The following CREB1 variants were observed in gnomAD, a reference collection of about 807,000 sequenced individuals.
CREB1 encodes cyclic AMP-responsive element-binding protein 1.
A neutral mutation model predicts 42.0 loss-of-function variants in CREB1; 2 were observed. That is an observed-to-expected ratio of 0.05 (90% CI 0.02 to 0.15). The LOEUF is 0.15. CREB1 is among the 10% of genes least tolerant of loss of function. The pLI is 1.00. For synonymous variants in CREB1, 123 were observed against 139.9 expected (o/e 0.88, Z 0.85); for missense variants, 199 against 388.9 (o/e 0.51, Z 4.11).
At chr2:207,581,697 A>G in intron 7 of CREB1, 1 of 569,660 alleles carries the variant, frequency 1.8e-6, no homozygotes, top group South Asian at 2.4e-5. Context: ...ATCTTAGTAT[A>G]TTACATAACC....
intron 1 of CREB1, among the ~76,000 whole-genome samples, chr2:207,537,304 G>A (rs1347830705): frequency 6.6e-6 from 1 of 151,994 alleles, no homozygotes; most frequent in Non-Finnish European, 1.5e-5. Flanking sequence ...TCCCAAAGTG[G>A]TGGGATTACA....
intron 7 of CREB1, among the ~76,000 whole-genome samples, chr2:207,586,227 G>A (rs1262603050): frequency 6.6e-6 from 1 of 152,124 alleles, no homozygotes; most frequent in African/African-American, 2.4e-5. Context: ...ACATAGTATT[G>A]ATATAAAAAC....
chr2:207,605,058 G>A lies in CREB1; in HGVS notation c.*8000G>A, dbSNP rs971667137. On this transcript the variant is annotated 3_prime_UTR_variant, in exon 8 of 8. Coordinates refer to ENST00000353267, the MANE Select transcript of CREB1 (RefSeq NM_004379.5). ...TGTTCGTGTACAAGTATTTGAGTCC[G>A]TGTTTTCAATTATTTGGGGTATATG... 6.6e-6 allele frequency among the ~76,000 whole-genome samples: 1 copy of A among 152,150 alleles called. No homozygotes were observed. The highest frequency in any genetic ancestry group is 6.5e-5 in the Admixed American group (1 of 15,268).
intron 3 of CREB1, among the ~76,000 whole-genome samples, chr2:207,565,725 CAGAA>C (rs2082117615): frequency 6.6e-6 from 1 of 151,956 alleles, no homozygotes; most frequent in Non-Finnish European, 1.5e-5. Context: ...GCAGTGGACA[CAGAA>C]AGAGCCACAG....
intron 3 of CREB1, among the ~76,000 whole-genome samples, chr2:207,567,254 G>T (rs1264656337): frequency 5.3e-5 from 8 of 151,996 alleles, no homozygotes; most frequent in Non-Finnish European, 8.8e-5. Context: ...AAATTAAACT[G>T]CAGCTATTTT....
intron 3 of CREB1, among the ~76,000 whole-genome samples, chr2:207,561,740 T>A (rs193183632): frequency 6.7e-4 from 102 of 152,340 alleles, no homozygotes; most frequent in African/African-American, 2.2e-3. Context: ...TTATGTTTTC[T>A]TTACATATAG....
chr2:207,573,952 A>G (rs922495008), intron 5 of CREB1, among the ~76,000 whole-genome samples: 4 of 152,240 alleles, frequency 2.6e-5, no homozygotes, highest in African/African-American at 4.8e-5. Flanking sequence ...CTTTCAAGTA[A>G]TCATGCAAAA....
intron 7 of CREB1, among the ~76,000 whole-genome samples, chr2:207,583,953 G>C (rs778452088): frequency 6.6e-6 from 1 of 152,068 alleles, no homozygotes; most frequent in Non-Finnish European, 1.5e-5. Context: ...TTTAGATCTG[G>C]TTCCTTCATC....
intron 1 of CREB1, among the ~76,000 whole-genome samples, chr2:207,553,957 A>G (rs1302364482): frequency 2.6e-5 from 4 of 152,162 alleles, no homozygotes; most frequent in Non-Finnish European, 5.9e-5. Flanking sequence ...ACAATGTGTC[A>G]ATATATTAAT....
chr2:207,543,852 C>G (rs1362795699), intron 1 of CREB1, among the ~76,000 whole-genome samples: 1 of 152,196 alleles, frequency 6.6e-6, no homozygotes, highest in East Asian at 1.9e-4. Context: ...ATCTGCCCAC[C>G]TCAGCCTCCC....
At chr2:207,543,796 G>A (rs887725035) in intron 1 of CREB1, among the ~76,000 whole-genome samples, 5 of 151,976 alleles carry the variant, frequency 3.3e-5, no homozygotes, top group African/African-American at 1.2e-4. Flanking sequence ...GTAGAGACAG[G>A]GTTTCACCAT....
intron 1 of CREB1, among the ~76,000 whole-genome samples, chr2:207,537,226 A>T (rs1231464254): frequency 6.6e-6 from 1 of 151,684 alleles, no homozygotes; most frequent in Admixed American, 6.6e-5. Context: ...AGCTAAAGAG[A>T]CAGGGTTTCA....
At chr2:207,534,948 A>G (rs1350723143) in intron 1 of CREB1, among the ~76,000 whole-genome samples, 1 of 152,174 alleles carries the variant, frequency 6.6e-6, no homozygotes, top group African/African-American at 2.4e-5. Flanking sequence ...CCCACCACTT[A>G]ATATGGCTTA....
chr2:207,578,051 T>A (rs1341217420), intron 7 of CREB1: 1 of 182,482 alleles, frequency 5.5e-6, no homozygotes, highest in Non-Finnish European at 1.2e-5. Flanking sequence ...TTAAATTTAC[T>A]TGATATAAAG....
chr2:207,603,514 C>T lies in CREB1; in HGVS notation c.*6456C>T, dbSNP rs2087491200. ...TAGTGTGAAGCCATGTTTTATTGGA[C>T]TTAAAGTTACAATATATTACAAGCT... is the stretch of plus-strand genomic sequence containing the variant. On this transcript the variant is annotated 3_prime_UTR_variant, in exon 8 of 8. Coordinates refer to ENST00000353267, the MANE Select transcript of CREB1 (RefSeq NM_004379.5). 1 of 224,006 alleles carries T rather than the reference C, an allele frequency of 4.5e-6. No homozygotes were observed. Among genetic ancestry groups the T allele is most frequent in the African/African-American group, 2.2e-5 (1 of 44,810 alleles). 13.9% of individuals were successfully genotyped at this position (224,006 alleles called of 1,614,324 possible). A position where few individuals can be genotyped will look rare whatever the true frequency, so the allele number is the denominator to read the frequency against.
In CREB1 at chr2:207,599,208, C is replaced by A; in HGVS notation, c.*2150C>A. The A allele has an allele frequency of 5.1e-6, 1 of 197,756 alleles. No individual in the cohort carries two copies. The highest frequency in any genetic ancestry group is 1.0e-5 in the Non-Finnish European group (1 of 95,632). The allele number at this position is 197,756 out of a possible 1,614,324, so 12.3% of individuals were successfully genotyped here. A position where few individuals can be genotyped will look rare whatever the true frequency, so the allele number is the denominator to read the frequency against. ...AAAGTTTGATGTTTGTCCTGCTGAG[C>A]TAATGGGGAAAGTTATAGCATAAAA... On this transcript the variant is annotated 3_prime_UTR_variant, in exon 8 of 8. Transcript: ENST00000353267.
At chr2:207,543,817 A>C (rs1024725514) in intron 1 of CREB1, among the ~76,000 whole-genome samples, 5 of 151,834 alleles carry the variant, frequency 3.3e-5, no homozygotes, top group Admixed American at 3.3e-4. Flanking sequence ...GTTGGTCAGG[A>C]TGGTATCGAT....
rs1426653106 is a variant in CREB1, at chr2:207,604,033, G to GAA, written c.*6976_*6977dup. ...TTTATTTTCTGCAACAACGATTACA[G>GAA]AATTTATTGCACAAAATGAGACATT... On this transcript the variant is annotated 3_prime_UTR_variant, in exon 8 of 8. Transcript: ENST00000353267. Among the ~76,000 whole-genome samples the GAA allele has an allele frequency of 1.3e-5, 2 of 152,184 alleles. No homozygotes were observed. The highest frequency in any genetic ancestry group is 2.9e-5 in the Non-Finnish European group (2 of 68,036).
intron 1 of CREB1, among the ~76,000 whole-genome samples, chr2:207,541,695 A>G (rs1317480994): frequency 1.3e-5 from 2 of 152,240 alleles, no homozygotes; most frequent in Non-Finnish European, 2.9e-5. Flanking sequence ...TTATTGAAAT[A>G]TAATTCACAT....
Sources: gnomAD v4.1 joint callset for allele counts (sites outside exome capture counted in the v4.1 genomes callset) on GRCh38, gnomAD v4.1.1 for gene constraint, MANE v1.5 for transcripts, NCBI Gene and HGNC (gene_info 2026-07-23, HGNC 2026-07-21) for gene names.